The following PPP2R2B variants were observed in gnomAD, a reference collection of about 807,000 sequenced individuals.
PPP2R2B encodes protein phosphatase 2 regulatory subunit Bbeta, also known as serine/threonine-protein phosphatase 2A 55 kDa regulatory subunit B beta isoform.
PPP2R2B carries 5 observed loss-of-function variants against 46.0 expected under a neutral mutation model. The ratio of observed to expected loss-of-function variants is 0.11; its 90% CI spans 0.06 to 0.23. PPP2R2B has a LOEUF of 0.23. PPP2R2B is among the 10% of genes least tolerant of loss of function. The pLI is 1.00. For missense variants in PPP2R2B, 367 were observed against 575.0 expected (o/e 0.64, Z 3.70); for synonymous variants, 215 against 206.7 (o/e 1.04, Z -0.34).
rs73320012 is a variant in PPP2R2B at position 146,691,735 on chromosome 5, C to G, written c.335-495G>C. On this transcript the variant is annotated intron_variant, in intron 4 of 9. Transcript: ENST00000394411. ...CCACTTTCTCCACCTTTCTGACCCC[C>G]CTGTCCATCCTCTCCCTGCTCACTC... 4.9e-3 allele frequency among the ~76,000 whole-genome samples: 753 copies of G among 152,262 alleles called. 10 individuals are homozygous for G. Among genetic ancestry groups the G allele is most frequent in the East Asian group, 0.025 (128 of 5,174 alleles).
At chr5:147,037,743 C>T (rs1756111738) in intron 1 of PPP2R2B, among the ~76,000 whole-genome samples, 1 of 152,146 alleles carries the variant, frequency 6.6e-6, no homozygotes, top group Non-Finnish European at 1.5e-5. Context: ...ACTGCCCACT[C>T]ACAGGCACAT....
intron 2 of PPP2R2B, among the ~76,000 whole-genome samples, chr5:146,777,551 C>T (rs555487846): frequency 6.6e-6 from 1 of 152,116 alleles, no homozygotes; most frequent in East Asian, 1.9e-4. Context: ...GTGATAATTG[C>T]ACAACACTGT....
chr5:146,797,780 G>T (rs1756631454), intron 2 of PPP2R2B, among the ~76,000 whole-genome samples: 1 of 152,122 alleles, frequency 6.6e-6, no homozygotes, highest in Admixed American at 6.6e-5. Flanking sequence ...TTGTTTCAGA[G>T]CCTGACATGT....
intron 2 of PPP2R2B, among the ~76,000 whole-genome samples, chr5:146,753,198 G>A (rs1436389886): frequency 6.6e-6 from 1 of 152,212 alleles, no homozygotes; most frequent in African/African-American, 2.4e-5. Flanking sequence ...AAAAGGGAAT[G>A]CTACCTACTT....
At position 146,878,736 on chromosome 5, in the gene PPP2R2B, T is replaced by G; in HGVS notation, c.-270A>C. Reference sequence around the variant, plus strand: ...ACACGCGCGCACTCGCAGCTGCTGCTGCTGCTGCTGCTGCTGCTGCTGCAG... The same window carrying G: ...ACACGCGCGCACTCGCAGCTGCTGCGGCTGCTGCTGCTGCTGCTGCTGCAG... On this transcript the variant is annotated 5_prime_UTR_variant, in exon 1 of 10. Transcript: ENST00000394411. The surrounding 1 kb of genome is among the most constrained non-coding windows in gnomAD (Gnocchi z 4.5). 1.5e-6 allele frequency: 2 copies of G among 1,326,454 alleles called. No individual in the cohort carries two copies. The highest frequency in any genetic ancestry group is 2.0e-6 in the Non-Finnish European group (2 of 1,007,588). The allele number at this position is 1,326,454 out of a possible 1,614,324, so 82.2% of individuals were successfully genotyped here. A position where few individuals can be genotyped will look rare whatever the true frequency, so the allele number is the denominator to read the frequency against.
intron 2 of PPP2R2B, among the ~76,000 whole-genome samples, chr5:147,068,479 G>GT (rs1232776111): frequency 6.6e-6 from 1 of 152,096 alleles, no homozygotes; most frequent in African/African-American, 2.4e-5. Context: ...GAAAAAAAAT[G>GT]TAAGTTTTTA....
At chr5:146,682,121 G>A (rs1396471958) in intron 5 of PPP2R2B, among the ~76,000 whole-genome samples, 1 of 152,132 alleles carries the variant, frequency 6.6e-6, no homozygotes, top group African/African-American at 2.4e-5. Flanking sequence ...GTCTATGTTG[G>A]ATCTAATTAC....
chr5:147,076,076 A>G (rs1049838700), intron 2 of PPP2R2B, among the ~76,000 whole-genome samples: 4 of 152,170 alleles, frequency 2.6e-5, no homozygotes, highest in African/African-American at 9.6e-5. Flanking sequence ...GCTAAATTTG[A>G]ACCAGGTATT....
intron 5 of PPP2R2B, 58 bp downstream of exon 5, chr5:146,691,070 G>A: frequency 1.3e-6 from 2 of 1,494,234 alleles, no homozygotes; most frequent in Admixed American, 1.7e-5. Context: ...CCAGCACATG[G>A]CCAACCTTAG....
At chr5:146,878,919 C>A (rs1047070918), upstream of PPP2R2B, 1 of 1,145,174 alleles carries the variant, frequency 8.7e-7, no homozygotes, top group Non-Finnish European at 1.1e-6. This position sits in a 1 kb window ranked among gnomAD's most constrained non-coding sequence, Gnocchi z 4.5. Context: ...ACCTGGGCAG[C>A]AAGCGACTAG....
At chr5:146,987,628 G>A (rs1753492238) in intron 1 of PPP2R2B, among the ~76,000 whole-genome samples, 2 of 151,482 alleles carry the variant, frequency 1.3e-5, no homozygotes, top group South Asian at 4.2e-4. Flanking sequence ...ATCTATAATG[G>A]ATAAACTAAA....
intron 2 of PPP2R2B, among the ~76,000 whole-genome samples, chr5:146,859,810 C>T (rs2151391384): frequency 6.6e-6 from 1 of 152,154 alleles, no homozygotes; most frequent in African/African-American, 2.4e-5. Flanking sequence ...TTCAAGGTGC[C>T]AAGTCTCTTG....
Position 146,622,155 on chromosome 5 carries a change from C to T in PPP2R2B, c.790+16096G>A, listed in dbSNP as rs951125651. 1.4e-4 allele frequency among the ~76,000 whole-genome samples: 21 copies of T among 152,196 alleles called. 1 individual carries two copies. Among genetic ancestry groups the T allele is most frequent in the South Asian group, 2.1e-4 (1 of 4,830 alleles). Reference sequence around the variant, plus strand: ...ACTGACAACATTCAACTTTAGACCTCGGTTCAAGCCCCCTCTACCTTTGCC... The same window carrying T: ...ACTGACAACATTCAACTTTAGACCTTGGTTCAAGCCCCCTCTACCTTTGCC... On this transcript the variant is annotated intron_variant, in intron 7 of 9. Coordinates refer to ENST00000394411, the MANE Select transcript of PPP2R2B (RefSeq NM_181675.4).
At chr5:146,932,343 G>T (rs372182597) in intron 1 of PPP2R2B, among the ~76,000 whole-genome samples, 2 of 152,226 alleles carry the variant, frequency 1.3e-5, no homozygotes, top group Admixed American at 6.5e-5. Context: ...CATCTTGAAT[G>T]GTAGTTCCCA....
At chr5:146,799,518 A>G (rs567254254) in intron 2 of PPP2R2B, among the ~76,000 whole-genome samples, 48 of 152,328 alleles carry the variant, frequency 3.2e-4, no homozygotes, top group African/African-American at 1.1e-3. Context: ...CATGCTGCAC[A>G]ATGGCATGGT....
intron 1 of PPP2R2B, among the ~76,000 whole-genome samples, chr5:146,904,276 T>C (rs1398781749): frequency 1.3e-5 from 2 of 152,118 alleles, no homozygotes; most frequent in Non-Finnish European, 2.9e-5. Context: ...TTCCTAAAAG[T>C]ATGAAAGGTC....
intron 1 of PPP2R2B, among the ~76,000 whole-genome samples, chr5:147,012,871 T>C (rs1422380917): frequency 3.3e-5 from 5 of 152,124 alleles, no homozygotes; most frequent in African/African-American, 7.2e-5. Context: ...TTGTTCAGTT[T>C]CCATGCAGTT....
At chr5:147,068,455 G>A (rs974243362) in intron 2 of PPP2R2B, among the ~76,000 whole-genome samples, 38 of 152,002 alleles carry the variant, frequency 2.5e-4, no homozygotes, top group African/African-American at 8.2e-4. Context: ...AACACAAAGA[G>A]TATTACTTTA....
chr5:147,004,628 T>A (rs1754344431), intron 1 of PPP2R2B, among the ~76,000 whole-genome samples: 1 of 152,200 alleles, frequency 6.6e-6, no homozygotes, highest in Admixed American at 6.5e-5. Flanking sequence ...AGGGATATAT[T>A]AGCCAAAGCT....
Sources: gnomAD v4.1 joint callset for allele counts (sites outside exome capture counted in the v4.1 genomes callset) on GRCh38, gnomAD v4.1.1 for gene constraint, Gnocchi (gnomAD v3.1) non-coding constraint, MANE v1.5 for transcripts, NCBI Gene and HGNC (gene_info 2026-07-23, HGNC 2026-07-21) for gene names.